PEBP4: variants seen among roughly 807,000 people sequenced by gnomAD.
The protein encoded by PEBP4 is phosphatidylethanolamine-binding protein 4.
Under a neutral mutation model 23.9 loss-of-function variants are expected in PEBP4, and 22 were observed. The observed-to-expected ratio is 0.92, with a 90% CI of 0.66 to 1.31. The LOEUF (loss-of-function observed/expected upper bound fraction) is 1.31, where lower values mean the gene tolerates loss of function less well. PEBP4 is among the 40% of genes most tolerant of loss of function. The pLI, the probability that PEBP4 is intolerant of heterozygous loss-of-function variation, is 0.00. For missense variants in PEBP4, 324 were observed against 281.7 expected, an observed-to-expected ratio of 1.15 and a Z score of -1.07; for synonymous variants, 112 against 99.3, an observed-to-expected ratio of 1.13 and a Z score of -0.76.
chr8:22,892,573 G>T (rs781265595), intron 3 of PEBP4, among the ~76,000 whole-genome samples: 5 of 152,138 alleles, frequency 3.3e-5, no homozygotes, highest in Non-Finnish European at 5.9e-5. Flanking sequence ...AAGTAAACAC[G>T]GACTGACATC....
At chr8:22,772,559 G>A (rs995298737) in intron 4 of PEBP4, among the ~76,000 whole-genome samples, 1 of 142,478 alleles carries the variant, frequency 7.0e-6, no homozygotes, top group Non-Finnish European at 1.5e-5. Flanking sequence ...AAAATGCTGT[G>A]ATTGTAGCTC....
At chr8:22,856,713 CTAAATAAATAAA>C (rs60953053) in intron 3 of PEBP4, among the ~76,000 whole-genome samples, 1 of 151,298 alleles carries the variant, frequency 6.6e-6, no homozygotes, top group African/African-American at 2.4e-5. Flanking sequence ...GAAACTGTCT[CTAAATAAATAAA>C]TAAATAAATA....
At chr8:22,725,186 A>C (rs1030241957) in intron 5 of PEBP4, among the ~76,000 whole-genome samples, 2 of 151,934 alleles carry the variant, frequency 1.3e-5, no homozygotes, top group Non-Finnish European at 2.9e-5. Flanking sequence ...AAGAGGAAAC[A>C]CCCTGAGCTG....
chr8:22,722,916 G>T (rs957958721), intron 6 of PEBP4, among the ~76,000 whole-genome samples: 1 of 151,570 alleles, frequency 6.6e-6, no homozygotes, highest in Non-Finnish European at 1.5e-5. Context: ...GGGACTATAG[G>T]CGCCCACCGC....
upstream of PEBP4, among the ~76,000 whole-genome samples, chr8:22,928,349 TCCGAAGGGCCAG>T: frequency 6.6e-6 from 1 of 150,844 alleles, no homozygotes; most frequent in South Asian, 2.1e-4. Flanking sequence ...CGAGGCCAGC[TCCGAAGGGCCAG>T]CTCCGAAGGG....
chr8:22,885,270 G>A (rs1373379110), intron 3 of PEBP4: 1 of 152,110 alleles, frequency 6.6e-6, no homozygotes, highest in Non-Finnish European at 1.5e-5. Flanking sequence ...ATCATGAGAT[G>A]GTTTCTCTTA....
At chr8:22,906,879 C>A (rs1306438751) in intron 3 of PEBP4, among the ~76,000 whole-genome samples, 1 of 151,844 alleles carries the variant, frequency 6.6e-6, no homozygotes, top group African/African-American at 2.4e-5. Context: ...ATAAAATGAA[C>A]AAGCAAAAAA....
intron 4 of PEBP4, among the ~76,000 whole-genome samples, chr8:22,761,036 CGGG>C (rs1805497009): frequency 6.6e-6 from 1 of 152,162 alleles, no homozygotes; most frequent in African/African-American, 2.4e-5. Context: ...CTAGGGCCAG[CGGG>C]GAGGCGGGCA....
intron 3 of PEBP4, among the ~76,000 whole-genome samples, chr8:22,909,110 C>A (rs1003594941): frequency 6.6e-6 from 1 of 152,148 alleles, no homozygotes; most frequent in Non-Finnish European, 1.5e-5. Context: ...ATTGGTGGCC[C>A]CAGCCACTCA....
intron 4 of PEBP4, among the ~76,000 whole-genome samples, chr8:22,753,475 G>A (rs185981267): frequency 2.7e-3 from 415 of 152,312 alleles, no homozygotes; most frequent in Non-Finnish European, 4.3e-3. Flanking sequence ...TAGCTGGCTC[G>A]AGTGAAGCAG....
At chr8:22,925,430 G>A (rs529033208) in intron 2 of PEBP4, 1 of 636,508 alleles carries the variant, frequency 1.6e-6, no homozygotes, top group South Asian at 6.9e-5. Flanking sequence ...TTTAAGCTAT[G>A]TAAACACTGT....
At chr8:22,902,903 C>G (rs975022320) in intron 3 of PEBP4, among the ~76,000 whole-genome samples, 12 of 152,326 alleles carry the variant, frequency 7.9e-5, no homozygotes, top group African/African-American at 2.4e-4. Context: ...CCAGATCCTG[C>G]AGCATAGCCT....
intron 4 of PEBP4, among the ~76,000 whole-genome samples, chr8:22,737,234 C>A (rs1804883555): frequency 7.3e-6 from 1 of 137,328 alleles, no homozygotes; most frequent in Non-Finnish European, 1.5e-5. Context: ...CCAGAGGTTG[C>A]AGTGAGATCA....
upstream of PEBP4, among the ~76,000 whole-genome samples, chr8:22,928,937 C>G (rs1352934233): frequency 1.3e-5 from 2 of 152,300 alleles, no homozygotes; most frequent in South Asian, 2.1e-4. Context: ...GGATCCCAAC[C>G]TGTAGCAAAA....
At chr8:22,899,949 G>A (rs1342149259) in intron 3 of PEBP4, among the ~76,000 whole-genome samples, 1 of 152,104 alleles carries the variant, frequency 6.6e-6, no homozygotes, top group Non-Finnish European at 1.5e-5. Flanking sequence ...ACAACGGGAG[G>A]AGCATAGCAC....
Position 22,876,738 on chromosome 8 carries a change from C to T in PEBP4, c.258+43446G>A, listed in dbSNP as rs149015190. On this transcript the variant is annotated intron_variant, in intron 3 of 6. Transcript: ENST00000256404. ...AAATAAATGAGTTAGGAATTATTTT[C>T]TCCACTGTTTAAACAAAGCTACTTC... 4.4e-3 allele frequency among the ~76,000 whole-genome samples: 671 copies of T among 152,332 alleles called. 3 individuals are homozygous for T. Among genetic ancestry groups the T allele is most frequent in the African/African-American group, 0.015 (642 of 41,560 alleles).
At chr8:22,890,580 A>G (rs769618062) in intron 3 of PEBP4, among the ~76,000 whole-genome samples, 1 of 152,214 alleles carries the variant, frequency 6.6e-6, no homozygotes, top group East Asian at 1.9e-4. Flanking sequence ...GCACACCTTC[A>G]TAGTGGCACT....
chr8:22,902,317 G>A (rs1017731133), intron 3 of PEBP4, among the ~76,000 whole-genome samples: 13 of 152,076 alleles, frequency 8.5e-5, no homozygotes, highest in African/African-American at 3.1e-4. Flanking sequence ...TGACAAGAGT[G>A]AAACTCCGTC....
At chr8:22,718,351 C>T (rs1350973953) in intron 6 of PEBP4, among the ~76,000 whole-genome samples, 1 of 152,206 alleles carries the variant, frequency 6.6e-6, no homozygotes, top group East Asian at 1.9e-4. Context: ...GTTTAGCTTC[C>T]AGTGATAAAT....
Sources: allele counts gnomAD v4.1 joint callset (sites outside exome capture counted in the v4.1 genomes callset), GRCh38; gene constraint gnomAD v4.1.1; transcripts MANE v1.5; gene names NCBI Gene and HGNC (gene_info 2026-07-23, HGNC 2026-07-21).